Variants in FAT3 observed in about 807,000 individuals in gnomAD.
FAT3 encodes protocadherin Fat 3.
In FAT3, 95 loss-of-function variants were observed where a neutral mutation model predicts 310.2. The observed-to-expected ratio is 0.31, with a 90% CI of 0.26 to 0.36. FAT3 has a LOEUF of 0.36. Among genes scored for constraint, FAT3 ranks in the 10% least tolerant of loss-of-function variants. The pLI is 1.00. For synonymous variants in FAT3, 2,314 were observed against 2,192.9 expected, an observed-to-expected ratio of 1.06 and a Z score of -1.54; for missense variants, 5,408 against 5,715.6, an observed-to-expected ratio of 0.95 and a Z score of 1.74.
At chr11:92,524,285 T>C (rs868180164) in intron 2 of FAT3, among the ~76,000 whole-genome samples, 2 of 152,122 alleles carry the variant, frequency 1.3e-5, no homozygotes, top group Admixed American at 1.3e-4. Context: ...CCATGAAACA[T>C]GGGAAGTGCT....
intron 13 of FAT3, among the ~76,000 whole-genome samples, chr11:92,818,081 T>G (rs559842157): frequency 6.6e-6 from 1 of 152,302 alleles, no homozygotes; most frequent in African/African-American, 2.4e-5. Flanking sequence ...TGTCTATACC[T>G]GCAGCCCTAG....
intron 2 of FAT3, among the ~76,000 whole-genome samples, chr11:92,523,500 C>A (rs567024118): frequency 4.6e-5 from 7 of 152,132 alleles, no homozygotes; most frequent in Non-Finnish European, 8.8e-5. Flanking sequence ...CCTCTCTCCC[C>A]GTTGCTGTAC....
chr11:92,704,020 G>A, intron 4 of FAT3, among the ~76,000 whole-genome samples: 1 of 152,192 alleles, frequency 6.6e-6, no homozygotes. Context: ...CAGTACCCAG[G>A]ATAGGTCTTT....
intron 3 of FAT3, among the ~76,000 whole-genome samples, chr11:92,623,826 C>G (rs1398947078): frequency 1.3e-5 from 2 of 151,974 alleles, no homozygotes; most frequent in African/African-American, 4.8e-5. Context: ...GCCTGTAGTC[C>G]CAGCTACTCG....
At chr11:92,688,621 C>T (rs1450286556) in intron 3 of FAT3, among the ~76,000 whole-genome samples, 3 of 152,070 alleles carry the variant, frequency 2.0e-5, no homozygotes, top group Non-Finnish European at 4.4e-5. Context: ...CCAGGTGATT[C>T]CAGGGCACAG....
At chr11:92,651,691 G>A (rs1198444503) in intron 3 of FAT3, among the ~76,000 whole-genome samples, 3 of 152,136 alleles carry the variant, frequency 2.0e-5, no homozygotes, top group Non-Finnish European at 4.4e-5. Context: ...TGCCAAAATG[G>A]TCAGTCCCCT....
chr11:92,541,929 T>C (rs1954461168), intron 3 of FAT3, among the ~76,000 whole-genome samples: 1 of 152,096 alleles, frequency 6.6e-6, no homozygotes, highest in South Asian at 2.1e-4. Context: ...ACTTTATCTA[T>C]GATAGGTTTA....
At chr11:92,583,276 C>T (rs1056075347) in intron 3 of FAT3, among the ~76,000 whole-genome samples, 7 of 151,916 alleles carry the variant, frequency 4.6e-5, no homozygotes, top group Non-Finnish European at 8.8e-5. Context: ...AAGAACAGGA[C>T]GAAAGTCTAG....
chr11:92,523,091 G>A (rs538249459), intron 2 of FAT3, among the ~76,000 whole-genome samples: 4 of 152,266 alleles, frequency 2.6e-5, no homozygotes, highest in South Asian at 2.1e-4. Flanking sequence ...ATAGATGGCA[G>A]TGTCAACCCA....
At position 92,723,684 on chromosome 11, in the gene FAT3, G is replaced by A. The variant is rs1453421040; in HGVS notation, c.3669+26239G>A. On this transcript the variant is annotated intron_variant, in intron 4 of 27. Coordinates refer to ENST00000525166, the MANE Select transcript of FAT3 (RefSeq NM_001367949.2). ...CTTACAGTTTCACGTGGCTGGGGAG[G>A]CCTATCTATCATGGCAGAAGGTGAA... Among the ~76,000 whole-genome samples, 5 of 152,172 alleles carry A rather than the reference G, an allele frequency of 3.3e-5. No individual in the cohort carries two copies. The East Asian group carries it at 7.7e-4, about 23-fold the overall frequency.
At chr11:92,704,440 A>C (rs1243590299) in intron 4 of FAT3, among the ~76,000 whole-genome samples, 1 of 152,208 alleles carries the variant, frequency 6.6e-6, no homozygotes, top group Non-Finnish European at 1.5e-5. Flanking sequence ...TCCCACCACC[A>C]AAATCCATGT....
In FAT3 at chr11:92,294,788, TAAATA is replaced by T. The variant is rs1946805335; in HGVS notation, c.-17-57303_-17-57299del. On this transcript the variant is annotated intron_variant, in intron 1 of 27. Coordinates refer to ENST00000525166, the MANE Select transcript of FAT3 (RefSeq NM_001367949.2). Reference sequence around the variant, plus strand: ...TTTCTTTGGAAAGGTGGAAAATGAATAAATAAAATGAAATGTAGAACCTGGAGCCA... The same window carrying T: ...TTTCTTTGGAAAGGTGGAAAATGAATAAATGAAATGTAGAACCTGGAGCCA... Among the ~76,000 whole-genome samples, 3 of 152,178 alleles carry T rather than the reference TAAATA, an allele frequency of 2.0e-5. No homozygotes were observed. In the South Asian group the frequency reaches 6.2e-4, roughly 32 times the overall value.
intron 2 of FAT3, among the ~76,000 whole-genome samples, chr11:92,474,110 T>G (rs1054790268): frequency 6.6e-6 from 1 of 152,170 alleles, no homozygotes; most frequent in Non-Finnish European, 1.5e-5. Flanking sequence ...GAGATTCCCT[T>G]GCACTGCTCC....
chr11:92,754,392 G>A (rs1215035489), intron 4 of FAT3, among the ~76,000 whole-genome samples: 3 of 151,642 alleles, frequency 2.0e-5, no homozygotes, highest in Non-Finnish European at 2.9e-5. Flanking sequence ...TTGGGAGGCC[G>A]AGGCGGGCGG....
At chr11:92,792,076 C>T (rs1947054505) in intron 8 of FAT3, among the ~76,000 whole-genome samples, 1 of 152,214 alleles carries the variant, frequency 6.6e-6, no homozygotes, top group South Asian at 2.1e-4. Context: ...ACTACTACCA[C>T]CACCATTTTA....
intron 18 of FAT3, among the ~76,000 whole-genome samples, chr11:92,842,665 A>G (rs572597788): frequency 7.2e-5 from 11 of 152,290 alleles, no homozygotes; most frequent in African/African-American, 2.6e-4. Flanking sequence ...TGTGCTCAAG[A>G]GTTCAAGACC....
At chr11:92,251,311 A>G (rs1865130473) in intron 1 of FAT3, among the ~76,000 whole-genome samples, 1 of 152,182 alleles carries the variant, frequency 6.6e-6, no homozygotes. Flanking sequence ...GATAGAACCT[A>G]AATGTGTTTT....
rs1447721045 is a variant in FAT3 at position 92,799,896 on chromosome 11, A to G, written c.6883A>G (p.Thr2295Ala). The change falls in exon 10 of 28, where the codon ACA (threonine) becomes GCA (alanine). Residue 2295 changes from threonine to alanine, a missense_variant. Physicochemically the swap from Thr to Ala is moderately conservative, Grantham distance 58. Transcript: ENST00000525166. ...PIFDQPTYNT[T>A]LSEASLIGTP... Reference sequence around the variant, plus strand: ...TTTCGATCAGCCTACATACAATACAACACTATCAGAAGCATCTCTTATTGG... The same window carrying G: ...TTTCGATCAGCCTACATACAATACAGCACTATCAGAAGCATCTCTTATTGG... The G allele has an allele frequency of 6.2e-7, 1 of 1,612,896 alleles. No individual in the cohort carries two copies. The highest frequency in any genetic ancestry group is 8.5e-7 in the Non-Finnish European group (1 of 1,179,406).
At chr11:92,231,235 G>A (rs1864169276) in intron 1 of FAT3, among the ~76,000 whole-genome samples, 1 of 152,118 alleles carries the variant, frequency 6.6e-6, no homozygotes, top group African/African-American at 2.4e-5. Flanking sequence ...GAATCTCAAG[G>A]TTAACTTTGT....
Sources: allele counts gnomAD v4.1 joint callset (sites outside exome capture counted in the v4.1 genomes callset), GRCh38; gene constraint gnomAD v4.1.1; transcripts MANE v1.5; gene names NCBI Gene and HGNC (gene_info 2026-07-23, HGNC 2026-07-21).